Variants in GRIP1 observed in about 807,000 individuals in gnomAD.
GRIP1 encodes the protein glutamate receptor interacting protein 1.
A neutral mutation model predicts 129.9 loss-of-function variants in GRIP1; 45 were observed. The observed-to-expected ratio is 0.35, with a 90% confidence interval of 0.27 to 0.44. The LOEUF is 0.44. Among genes scored for constraint, GRIP1 ranks in the 20% least tolerant of loss-of-function variants. The pLI is 1.00. For missense variants in GRIP1, 1,196 were observed against 1,396.8 expected (o/e 0.86, Z 2.29); for synonymous variants, 530 against 520.8 (o/e 1.02, Z -0.24).
chr12:67,034,265 G>A (rs2043062523), intron 1 of GRIP1, among the ~76,000 whole-genome samples: 2 of 152,152 alleles, frequency 1.3e-5, no homozygotes, highest in Admixed American at 1.3e-4. Context: ...GTCATAGCCT[G>A]CTTCCTGTAC....
intron 1 of GRIP1, among the ~76,000 whole-genome samples, chr12:66,714,422 T>C (rs1041166786): frequency 1.3e-5 from 2 of 152,090 alleles, no homozygotes; most frequent in African/African-American, 4.8e-5. Context: ...ATCAATGTCG[T>C]TGCCAGATAT....
intron 1 of GRIP1, among the ~76,000 whole-genome samples, chr12:67,010,755 C>A (rs1326297014): frequency 6.6e-6 from 1 of 152,146 alleles, no homozygotes; most frequent in African/African-American, 2.4e-5. Context: ...GAGCCCCACA[C>A]CACAGGTCCT....
At chr12:66,620,706 C>G (rs2065231902) in intron 1 of GRIP1, among the ~76,000 whole-genome samples, 1 of 150,398 alleles carries the variant, frequency 6.6e-6, no homozygotes. Flanking sequence ...TCCTTCCTGC[C>G]TTCCTTCCTT....
chr12:66,968,051 A>G (rs1482063457), intron 1 of GRIP1, among the ~76,000 whole-genome samples: 27 of 152,196 alleles, frequency 1.8e-4, no homozygotes. Flanking sequence ...GTCCACAGCT[A>G]CAATAGTCAA....
At chr12:66,722,602 T>TG (rs1455337241) in intron 1 of GRIP1, among the ~76,000 whole-genome samples, 1 of 152,200 alleles carries the variant, frequency 6.6e-6, no homozygotes, top group African/African-American at 2.4e-5. Flanking sequence ...AAAATGGTGT[T>TG]GATAGATTAG....
chr12:66,931,347 C>T (rs1035975090), intron 1 of GRIP1, among the ~76,000 whole-genome samples: 7 of 152,170 alleles, frequency 4.6e-5, no homozygotes, highest in South Asian at 2.1e-4. Flanking sequence ...ATGAACACTG[C>T]GTGATTAGGA....
intron 23 of GRIP1, among the ~76,000 whole-genome samples, chr12:66,366,371 A>G (rs1288578054): frequency 1.3e-5 from 2 of 152,224 alleles, no homozygotes; most frequent in African/African-American, 4.8e-5. Context: ...GGAGCAAAAC[A>G]ACTTTATCAT....
chr12:66,757,982 TAAATCTAGGAAGA>T (rs2136653898), intron 1 of GRIP1, among the ~76,000 whole-genome samples: 1 of 152,058 alleles, frequency 6.6e-6, no homozygotes, highest in African/African-American at 2.4e-5. Flanking sequence ...TTTACCCAAA[TAAATCTAGGAAGA>T]AAATAAAGAT....
chr12:66,391,779 A>C (rs2056597920), intron 19 of GRIP1, among the ~76,000 whole-genome samples: 2 of 152,120 alleles, frequency 1.3e-5, no homozygotes, highest in African/African-American at 4.8e-5. Flanking sequence ...TGAGTCCAGG[A>C]GTTTGAGACT....
rs573770502 is a variant in GRIP1 at position 66,771,719 on chromosome 12, C to T, written c.-420+32334G>A. Among the ~76,000 whole-genome samples, 26 of 152,254 alleles carry T rather than the reference C, an allele frequency of 1.7e-4. No individual in the cohort carries two copies. The South Asian group carries it at 2.9e-3, about 17-fold the overall frequency. On this transcript the variant is annotated intron_variant, in intron 1 of 4. Transcript: ENST00000538373. ...CACCCCAAGGCCAGAGAGTCTCCTGCTGTTGGTTTAGAAAGAAAGAAAGTT... is the reference window on the plus strand; with the variant it reads ...CACCCCAAGGCCAGAGAGTCTCCTGTTGTTGGTTTAGAAAGAAAGAAAGTT...
chr12:67,017,402 A>G (rs2042803755), intron 1 of GRIP1, among the ~76,000 whole-genome samples: 1 of 152,112 alleles, frequency 6.6e-6, no homozygotes, highest in African/African-American at 2.4e-5. Context: ...GCCTTGAAGA[A>G]TTAGGTGTAT....
intron 1 of GRIP1, among the ~76,000 whole-genome samples, chr12:66,677,643 T>C (rs2034400178): frequency 6.6e-6 from 1 of 152,194 alleles, no homozygotes; most frequent in East Asian, 1.9e-4. Flanking sequence ...CCAAAGTACC[T>C]TTTAAAGGAC....
At chr12:66,728,797 C>T (rs188263699) in intron 1 of GRIP1, among the ~76,000 whole-genome samples, 1 of 152,056 alleles carries the variant, frequency 6.6e-6, no homozygotes, top group African/African-American at 2.4e-5. Flanking sequence ...TTTACAGAAA[C>T]AGAAAAATAG....
At chr12:67,009,648 C>T (rs928825024) in intron 1 of GRIP1, among the ~76,000 whole-genome samples, 2 of 152,122 alleles carry the variant, frequency 1.3e-5, no homozygotes, top group African/African-American at 4.8e-5. Flanking sequence ...CTGTGAAAGT[C>T]CTTCATTCCT....
chr12:66,427,403 C>A (rs2058020906), intron 14 of GRIP1, among the ~76,000 whole-genome samples: 1 of 151,938 alleles, frequency 6.6e-6, no homozygotes, highest in Non-Finnish European at 1.5e-5. Context: ...CTGAGCACCA[C>A]CCCCCAAACA....
chr12:66,396,093 C>T, intron 16 of GRIP1, among the ~76,000 whole-genome samples: 1 of 152,210 alleles, frequency 6.6e-6, no homozygotes, highest in East Asian at 1.9e-4. Context: ...CTGAATGAGT[C>T]ATTTGATTAG....
chr12:66,615,709 A>G (rs964782432), intron 1 of GRIP1, among the ~76,000 whole-genome samples: 6 of 152,218 alleles, frequency 3.9e-5, no homozygotes, highest in Non-Finnish European at 8.8e-5. Flanking sequence ...CAGTGGTGTG[A>G]TCTCAGTTCA....
rs113095293 is a variant in GRIP1, at chr12:66,897,052, C to T, written c.58+171998G>A. Among the ~76,000 whole-genome samples, 947 of 152,236 alleles carry T rather than the reference C, an allele frequency of 6.2e-3. 7 individuals carry two copies. Among genetic ancestry groups the T allele is most frequent in the African/African-American group, 0.022 (903 of 41,534 alleles). Reference sequence around the variant, plus strand: ...TGCTAGCTCAGCTGTTTGCCAGCTGCGTGCTCCTGGGTATGTTGCTTATAT... The same window carrying T: ...TGCTAGCTCAGCTGTTTGCCAGCTGTGTGCTCCTGGGTATGTTGCTTATAT... On this transcript the variant is annotated intron_variant, in intron 1 of 1. Coordinates refer to the GRIP1 transcript ENST00000643019.
At chr12:66,587,936 G>C (rs1268152822) in intron 2 of GRIP1, among the ~76,000 whole-genome samples, 2 of 152,102 alleles carry the variant, frequency 1.3e-5, no homozygotes, top group Non-Finnish European at 2.9e-5. Context: ...GTGTAGCCCA[G>C]TAATAGGTTT....
Sources: allele counts gnomAD v4.1 joint callset (sites outside exome capture counted in the v4.1 genomes callset), GRCh38; gene constraint gnomAD v4.1.1; transcripts MANE v1.5; gene names NCBI Gene and HGNC (gene_info 2026-07-23, HGNC 2026-07-21).